Variants in PALLD observed in about 807,000 individuals in gnomAD.
PALLD encodes the protein palladin.
PALLD carries 61 observed loss-of-function variants against 123.5 expected under a neutral mutation model. The ratio of observed to expected loss-of-function variants is 0.49; its 90% CI spans 0.40 to 0.61. The LOEUF (loss-of-function observed/expected upper bound fraction) is 0.61, where lower values mean the gene tolerates loss of function less well. PALLD is among the 20% of genes least tolerant of loss of function. The pLI, the probability that PALLD is intolerant of heterozygous loss-of-function variation, is 0.00. For synonymous variants in PALLD, 465 were observed against 496.4 expected (o/e 0.94, Z 0.84); for missense variants, 1,273 against 1,377.0 (o/e 0.92, Z 1.20).
rs12649376 is a variant in PALLD at position 168,861,273 on chromosome 4, T to A, written c.1965-29649T>A. 1.3e-5 allele frequency among the ~76,000 whole-genome samples: 2 copies of A among 150,076 alleles called. 1 individual carries two copies. Among genetic ancestry groups the A allele is most frequent in the Non-Finnish European group, 3.0e-5 (2 of 67,714 alleles). On this transcript the variant is annotated intron_variant, in intron 10 of 21. Coordinates refer to ENST00000505667, the MANE Select transcript of PALLD (RefSeq NM_001166108.2). ...AATAATCGAATAAATCTATTGAATA[T>A]GGAATTAAAAAAAAAAAACTAAGTA...
Position 168,878,282 on chromosome 4 carries a change from A to G in PALLD, c.1965-12640A>G. On this transcript the variant is annotated intron_variant, in intron 10 of 21. Coordinates refer to ENST00000505667, the MANE Select transcript of PALLD (RefSeq NM_001166108.2). ...GGCGTCCCACTGCTCGTCGCCTGCC[A>G]CCCGCTTCGGCCACAGCCAGACGCC... 2 of 1,526,028 alleles carry G rather than the reference A, an allele frequency of 1.3e-6. No homozygotes were observed. Among genetic ancestry groups the G allele is most frequent in the Non-Finnish European group, 1.7e-6 (2 of 1,143,588 alleles). 94.5% of individuals were successfully genotyped at this position (1,526,028 alleles called of 1,614,324 possible). A position where few individuals can be genotyped will look rare whatever the true frequency, so the allele number is the denominator to read the frequency against.
At chr4:168,711,440 C>T (rs1784825549) in intron 9 of PALLD, 141 bp from the exon 10 acceptor site, 6 of 693,572 alleles carry the variant, frequency 8.7e-6, no homozygotes, top group Non-Finnish European at 1.0e-5. Flanking sequence ...AGTGCTTCTG[C>T]GTCAGATGAG....
At chr4:168,655,684 C>G (rs1778487568) in intron 2 of PALLD, among the ~76,000 whole-genome samples, 1 of 152,248 alleles carries the variant, frequency 6.6e-6, no homozygotes, top group Non-Finnish European at 1.5e-5. Context: ...TCAATCTCTT[C>G]TTCCATTCAG....
At chr4:168,858,735 T>C (rs1383471211) in intron 10 of PALLD, among the ~76,000 whole-genome samples, 1 of 151,698 alleles carries the variant, frequency 6.6e-6, no homozygotes, top group Non-Finnish European at 1.5e-5. Flanking sequence ...TGAGCCGTGA[T>C]AGTGCCACCG....
At chr4:168,700,851 A>T (rs1783604886) in intron 8 of PALLD, 2 of 151,920 alleles carry the variant, frequency 1.3e-5, no homozygotes. Flanking sequence ...CAACAGTGAA[A>T]CCCCTGTTTC....
chr4:168,681,149 A>G (rs1781513070), intron 3 of PALLD, among the ~76,000 whole-genome samples, 183 bp from the exon 4 acceptor site: 1 of 152,226 alleles, frequency 6.6e-6, no homozygotes, highest in African/African-American at 2.4e-5. Context: ...ACTTTTTAAA[A>G]ATGAGTTTCT....
intron 2 of PALLD, among the ~76,000 whole-genome samples, chr4:168,630,732 T>G (rs151181338): frequency 0.016 from 2,375 of 152,332 alleles, 55 homozygotes; most frequent in African/African-American, 0.05. Context: ...GTTTGTGGTC[T>G]GTTTCTCAGA....
At chr4:168,905,395 G>A (rs971325184) in intron 15 of PALLD, among the ~76,000 whole-genome samples, 4 of 151,642 alleles carry the variant, frequency 2.6e-5, no homozygotes, top group Middle Eastern at 3.4e-3. Context: ...TGATCCGCCC[G>A]CCTCGGCCTC....
chr4:168,511,856 T>G lies in PALLD; in HGVS notation c.352T>G (p.Ser118Ala). The change falls in exon 2 of 22, where the codon TCA (serine) becomes GCA (alanine). Residue 118 changes from serine to alanine, a missense_variant. Coordinates refer to ENST00000505667, the MANE Select transcript of PALLD (RefSeq NM_001166108.2). ...AACTAAGAGTATCTCTTCACCTGTT[T>G]CAAAGAGGAAACCTGCCATGTCACC... Reference protein sequence around the residue: ...KQTKSISSPVSKRKPAMSPLL... With the variant: ...KQTKSISSPVAKRKPAMSPLL... 1 of 1,614,074 alleles carries G rather than the reference T, an allele frequency of 6.2e-7. No individual in the cohort carries two copies. Among genetic ancestry groups the G allele is most frequent in the South Asian group, 1.1e-5 (1 of 91,078 alleles).
At chr4:168,729,873 C>G (rs1245493035) in intron 10 of PALLD, among the ~76,000 whole-genome samples, 4 of 152,114 alleles carry the variant, frequency 2.6e-5, no homozygotes, top group Admixed American at 2.6e-4. Flanking sequence ...TTCCTAAGAA[C>G]GTTGAAGGAA....
At chr4:168,535,695 C>T (rs1765025525) in intron 2 of PALLD, among the ~76,000 whole-genome samples, 1 of 152,130 alleles carries the variant, frequency 6.6e-6, no homozygotes, top group Admixed American at 6.5e-5. Flanking sequence ...ACTGAAGCCA[C>T]CACGGTGAGA....
At chr4:168,646,449 C>G (rs1260163678) in intron 2 of PALLD, among the ~76,000 whole-genome samples, 1 of 152,254 alleles carries the variant, frequency 6.6e-6, no homozygotes, top group East Asian at 1.9e-4. Flanking sequence ...GCACACAGCT[C>G]TGTAATTCTG....
intron 15 of PALLD, among the ~76,000 whole-genome samples, chr4:168,905,790 CTTTT>C (rs59427697): frequency 2.7e-5 from 3 of 113,128 alleles, no homozygotes; most frequent in African/African-American, 3.2e-5. Flanking sequence ...GCTTTTTTTT[CTTTT>C]TTTTTTTTTT....
chr4:168,888,391 G>C (rs1398146280), intron 10 of PALLD, among the ~76,000 whole-genome samples: 1 of 152,158 alleles, frequency 6.6e-6, no homozygotes, highest in Non-Finnish European at 1.5e-5. Flanking sequence ...AAACAAGTCT[G>C]GGGTAGGGTA....
intron 2 of PALLD, among the ~76,000 whole-genome samples, chr4:168,548,067 T>G (rs1051283162): frequency 1.1e-4 from 16 of 151,504 alleles, no homozygotes; most frequent in African/African-American, 3.9e-4. Flanking sequence ...CAAAAAAGTC[T>G]CCTTCAGGCT....
rs1408288074 is a variant in PALLD at position 168,928,118 on chromosome 4, A to C, written c.*1938A>C. ...GCACCGGGTGGCAGATGTTCTATGC[A>C]GTGTGGTTCAAGTTTCTTTGACCGC... On this transcript the variant is annotated 3_prime_UTR_variant, in exon 22 of 22. Transcript: ENST00000505667. The C allele has an allele frequency of 4.1e-5, 8 of 193,648 alleles. No homozygotes were observed. The East Asian group carries it at 6.5e-4, about 16-fold the overall frequency. The allele number at this position is 193,648 out of a possible 1,614,324, so 12.0% of individuals were successfully genotyped here.
At chr4:168,795,862 C>T (rs985231161) in intron 10 of PALLD, among the ~76,000 whole-genome samples, 2 of 152,034 alleles carry the variant, frequency 1.3e-5, no homozygotes, top group Admixed American at 1.3e-4. Flanking sequence ...GCAAGCACCA[C>T]CACATCTGGC....
At chr4:168,886,022 A>G (rs1348624200) in intron 10 of PALLD, among the ~76,000 whole-genome samples, 1 of 152,246 alleles carries the variant, frequency 6.6e-6, no homozygotes, top group Non-Finnish European at 1.5e-5. Context: ...GGAAAAACAG[A>G]TAAGAAAGCT....
chr4:168,508,666 C>T (rs6552862), intron 1 of PALLD, among the ~76,000 whole-genome samples: 99,675 of 152,072 alleles, frequency 0.66, 33,774 homozygotes, highest in East Asian at 0.86. Context: ...AAATAAATAA[C>T]AAATAAAAAA....
Sources: allele counts gnomAD v4.1 joint callset (sites outside exome capture counted in the v4.1 genomes callset), GRCh38; gene constraint gnomAD v4.1.1; transcripts MANE v1.5; gene names NCBI Gene and HGNC (gene_info 2026-07-23, HGNC 2026-07-21).